Variants in ARHGAP8 observed in about 807,000 individuals in gnomAD.
ARHGAP8 encodes the protein Rho GTPase activating protein 8, also known as rho GTPase-activating protein 8.
A neutral mutation model predicts 46.1 loss-of-function variants in ARHGAP8; 62 were observed. That is an observed-to-expected ratio of 1.34 (90% CI 1.10 to 1.66). The LOEUF is 1.66. Among genes scored for constraint, ARHGAP8 ranks in the 40% most tolerant of loss-of-function variants. The probability of loss-of-function intolerance (pLI) is 0.00; values close to 1 mark genes in which losing one functional copy is unlikely to be tolerated. For synonymous variants in ARHGAP8, 375 were observed against 243.1 expected (o/e 1.54, Z -5.05); for missense variants, 923 against 568.4 (o/e 1.62, Z -6.34).
intron 5 of ARHGAP8, among the ~76,000 whole-genome samples, chr22:44,819,660 C>A (rs540869357): frequency 6.6e-6 from 1 of 151,954 alleles, no homozygotes; most frequent in African/African-American, 2.4e-5. Context: ...GCAATAAGAG[C>A]GAAACTCCAC....
intron 1 of ARHGAP8, chr22:44,766,278 C>A (rs1170573936): frequency 1.3e-5 from 2 of 152,928 alleles, no homozygotes; most frequent in African/African-American, 4.8e-5. Context: ...AGAGGTTGTG[C>A]GTCCCTGGAG....
chr22:44,811,954 G>A (rs1016602485), intron 4 of ARHGAP8, among the ~76,000 whole-genome samples: 1 of 149,250 alleles, frequency 6.7e-6, no homozygotes, highest in Admixed American at 6.7e-5. Context: ...CTGAGATCGC[G>A]CCACCGCACT....
chr22:44,763,138 G>A (rs1006012285), intron 1 of ARHGAP8, among the ~76,000 whole-genome samples: 5 of 152,022 alleles, frequency 3.3e-5, no homozygotes, highest in African/African-American at 1.2e-4. Flanking sequence ...GGAGAAAAAC[G>A]ACTTTCCTTT....
chr22:44,813,405 C>G lies in ARHGAP8; in HGVS notation c.300-1267C>G, dbSNP rs536648395. ...CACCTACAGTACATACACCCACATA[C>G]AGACACCTACATGTACATACACTTA... is the stretch of plus-strand genomic sequence containing the variant. On this transcript the variant is annotated intron_variant, in intron 4 of 11. Coordinates refer to ENST00000356099, the MANE Select transcript of ARHGAP8 (RefSeq NM_181335.3). Among the ~76,000 whole-genome samples the G allele has an allele frequency of 2.1e-5, 3 of 141,138 alleles. No individual in the cohort carries two copies. In the East Asian group the frequency reaches 6.5e-4, roughly 30 times the overall value. The allele number at this position is 141,138 out of a possible 152,430, so 92.6% of individuals were successfully genotyped here.
At chr22:44,753,087 G>A (rs975062187) in intron 1 of ARHGAP8, among the ~76,000 whole-genome samples, 6 of 152,068 alleles carry the variant, frequency 3.9e-5, no homozygotes, top group Admixed American at 2.6e-4. Flanking sequence ...AAACCTACAA[G>A]GTGGGTGAGG....
chr22:44,846,785 G>C (rs1433411352), intron 8 of ARHGAP8, among the ~76,000 whole-genome samples: 1 of 152,108 alleles, frequency 6.6e-6, no homozygotes, highest in Non-Finnish European at 1.5e-5. Context: ...GTGAGCACAC[G>C]GGATGGGGAA....
chr22:44,780,832 G>C (rs1283869389), intron 1 of ARHGAP8, among the ~76,000 whole-genome samples: 3 of 152,194 alleles, frequency 2.0e-5, no homozygotes, highest in Non-Finnish European at 4.4e-5. Context: ...CTCCTGGGTT[G>C]TGAGGCTTTA....
chr22:44,862,330 T>G lies in ARHGAP8; in HGVS notation c.1037T>G (p.Phe346Cys). The G allele has an allele frequency of 6.2e-7, 1 of 1,613,902 alleles. No individual in the cohort carries two copies. The highest frequency in any genetic ancestry group is 8.5e-7 in the Non-Finnish European group (1 of 1,179,880). The change falls in exon 12 of 12, where the codon TTC becomes TGC. Residue 346 changes from phenylalanine (F) to cysteine (C), a missense_variant. By Grantham distance (205) the Phe-to-Cys change is radical. Transcript: ENST00000356099. ...AACAGCTCTAACCTGGCCTGTGTCTTCGGGCTGAATTTGATCTGGCCATCC... is the reference window on the plus strand; with the variant it reads ...AACAGCTCTAACCTGGCCTGTGTCTGCGGGCTGAATTTGATCTGGCCATCC... The part of the protein sequence containing the change: ...KMNSSNLACV[F>C]GLNLIWPSQG...
chr22:44,862,651 T>G lies in ARHGAP8; in HGVS notation c.*56T>G. The G allele has an allele frequency of 2.0e-6, 3 of 1,500,218 alleles. No individual in the cohort carries two copies. The highest frequency in any genetic ancestry group is 2.7e-6 in the Non-Finnish European group (3 of 1,123,210). The allele number at this position is 1,500,218 out of a possible 1,614,324, so 92.9% of individuals were successfully genotyped here. A position where few individuals can be genotyped will look rare whatever the true frequency, so the allele number is the denominator to read the frequency against. Reference sequence around the variant, plus strand: ...CCTCCCACACCTGTCTGTGCACTTGTATGTTTTGTAAACTTGGCATCTGTA... The same window carrying G: ...CCTCCCACACCTGTCTGTGCACTTGGATGTTTTGTAAACTTGGCATCTGTA... On this transcript the variant is annotated 3_prime_UTR_variant, in exon 12 of 12. Transcript: ENST00000356099.
intron 1 of ARHGAP8, among the ~76,000 whole-genome samples, chr22:44,760,065 C>G (rs911561207): frequency 3.3e-5 from 5 of 152,192 alleles, no homozygotes; most frequent in African/African-American, 1.2e-4. Flanking sequence ...GTGGGCAGGC[C>G]TCTGACAAGG....
At chr22:44,802,228 A>C in intron 3 of ARHGAP8, 64 bp downstream of exon 3, 1 of 1,578,446 alleles carries the variant, frequency 6.3e-7, no homozygotes, top group Non-Finnish European at 8.6e-7. Flanking sequence ...CCATCCCTTC[A>C]CCCCACCTCA....
chr22:44,829,379 G>GT (rs1186154723), intron 7 of ARHGAP8, among the ~76,000 whole-genome samples: 2 of 152,110 alleles, frequency 1.3e-5, no homozygotes, highest in Non-Finnish European at 2.9e-5. Context: ...TGGGAAAATT[G>GT]TTAGCCATGG....
intron 3 of ARHGAP8, 57 bp from the exon 4 acceptor site, chr22:44,808,250 T>A: frequency 6.3e-7 from 1 of 1,577,920 alleles, no homozygotes; most frequent in Non-Finnish European, 8.6e-7. Context: ...GAAAGCACGT[T>A]TGGTTTCAAT....
chr22:44,846,924 C>T (rs9626577), intron 8 of ARHGAP8, among the ~76,000 whole-genome samples: 2 of 151,970 alleles, frequency 1.3e-5, no homozygotes, highest in Non-Finnish European at 2.9e-5. Context: ...GGCAGTGGAG[C>T]TGAGCTCTGA....
intron 4 of ARHGAP8, chr22:44,808,748 G>A (rs565701523): frequency 2.4e-5 from 12 of 507,430 alleles, no homozygotes; most frequent in African/African-American, 2.3e-4. Flanking sequence ...TGGATCACCT[G>A]AGGTCAGGAG....
chr22:44,862,675 T>TA lies in ARHGAP8; in HGVS notation c.*85dup, dbSNP rs1376031921. ...GTATGTTTTGTAAACTTGGCATCTG[T>TA]AAAAATAACCAGCCATTAGATGAAT... On this transcript the variant is annotated 3_prime_UTR_variant, in exon 12 of 12. Transcript: ENST00000356099. 6.9e-7 allele frequency: 1 copy of TA among 1,459,234 alleles called. No homozygotes were observed. The highest frequency in any genetic ancestry group is 9.1e-7 in the Non-Finnish European group (1 of 1,100,646). 90.4% of individuals were successfully genotyped at this position (1,459,234 alleles called of 1,614,324 possible).
intron 11 of ARHGAP8, among the ~76,000 whole-genome samples, chr22:44,860,942 AATT>A (rs2070449723): frequency 6.6e-6 from 1 of 151,764 alleles, no homozygotes; most frequent in African/African-American, 2.4e-5. Context: ...GTTTTACAAC[AATT>A]TTTTTTCTCC....
At chr22:44,757,878 T>C (rs1056281051) in intron 1 of ARHGAP8, among the ~76,000 whole-genome samples, 19 of 150,690 alleles carry the variant, frequency 1.3e-4, no homozygotes, top group Non-Finnish European at 2.4e-4. Flanking sequence ...AGTTTCGAAC[T>C]CCTGACCTCA....
At chr22:44,796,789 G>A (rs1163797047) in intron 2 of ARHGAP8, among the ~76,000 whole-genome samples, 1 of 152,176 alleles carries the variant, frequency 6.6e-6, no homozygotes, top group African/African-American at 2.4e-5. Context: ...TGATTGTTAA[G>A]TCTAGTGCCT....
Sources: allele counts gnomAD v4.1 joint callset (sites outside exome capture counted in the v4.1 genomes callset), GRCh38; gene constraint gnomAD v4.1.1; transcripts MANE v1.5; gene names NCBI Gene and HGNC (gene_info 2026-07-23, HGNC 2026-07-21).